Variants in NT5C2 observed in about 807,000 individuals in gnomAD.
NT5C2 encodes the protein cytosolic purine 5'-nucleotidase.
A neutral mutation model predicts 76.1 loss-of-function variants in NT5C2; 58 were observed. The observed-to-expected ratio is 0.76, with a 90% CI of 0.62 to 0.95. The LOEUF (loss-of-function observed/expected upper bound fraction) is 0.95, where lower values mean the gene tolerates loss of function less well. Ranked by LOEUF, NT5C2 falls within the 40% of genes least tolerant of loss-of-function variation. The pLI is 0.00. For missense variants in NT5C2, 478 were observed against 690.3 expected (o/e 0.69, Z 3.45); for synonymous variants, 229 against 237.4 (o/e 0.96, Z 0.32).
chr10:103,187,052 A>C (rs1289835020), intron 1 of NT5C2, among the ~76,000 whole-genome samples: 1 of 151,928 alleles, frequency 6.6e-6, no homozygotes, highest in Non-Finnish European at 1.5e-5. Flanking sequence ...GGAGTTCAAG[A>C]CCAGCCTGGC....
At chr10:103,193,118 G>C (rs2092776783) in intron 1 of NT5C2, 118 bp downstream of exon 1, 1 of 151,886 alleles carries the variant, frequency 6.6e-6, no homozygotes, top group African/African-American at 2.4e-5. Context: ...TGGGGGCCGG[G>C]GGCGGGGGCA....
At chr10:103,138,292 G>C (rs537468372) in intron 4 of NT5C2, among the ~76,000 whole-genome samples, 1 of 152,268 alleles carries the variant, frequency 6.6e-6, no homozygotes, top group South Asian at 2.1e-4. Flanking sequence ...TTTTTGTTAA[G>C]TTCTGGGATA....
intron 11 of NT5C2, 122 bp from the exon 12 acceptor site, chr10:103,096,102 T>G (rs2068089240): frequency 1.5e-6 from 1 of 663,396 alleles, no homozygotes; most frequent in African/African-American, 1.9e-5. Context: ...CACATTCTTG[T>G]TTCCTCTAAA....
chr10:103,186,496 G>C (rs771495020), intron 1 of NT5C2, among the ~76,000 whole-genome samples: 7 of 152,136 alleles, frequency 4.6e-5, no homozygotes, highest in Non-Finnish European at 8.8e-5. Context: ...TAAATATAAG[G>C]ACAACTATAG....
intron 10 of NT5C2, chr10:103,098,624 T>A (rs1791426567): frequency 3.6e-6 from 1 of 280,646 alleles, no homozygotes; most frequent in Middle Eastern, 1.1e-3. Context: ...ATGGTGATGA[T>A]GTGCATACAG....
intron 3 of NT5C2, among the ~76,000 whole-genome samples, chr10:103,146,907 C>A (rs191685763): frequency 9.2e-5 from 14 of 152,324 alleles, no homozygotes; most frequent in Non-Finnish European, 1.8e-4. Flanking sequence ...CAGGCCAATG[C>A]TGGATTATGA....
chr10:103,189,541 G>A (rs1039360185), intron 1 of NT5C2, among the ~76,000 whole-genome samples: 1 of 150,750 alleles, frequency 6.6e-6, no homozygotes, highest in Non-Finnish European at 1.5e-5. Context: ...AGGAAGCGGA[G>A]GCTGCAGTGA....
At chr10:103,166,380 TAC>T (rs2086390161) in intron 3 of NT5C2, among the ~76,000 whole-genome samples, 1 of 152,082 alleles carries the variant, frequency 6.6e-6, no homozygotes, top group Admixed American at 6.6e-5. Context: ...AATGGAACCA[TAC>T]AGAGTGTAAC....
chr10:103,151,912 G>C (rs1337846527), intron 3 of NT5C2, among the ~76,000 whole-genome samples: 1 of 152,020 alleles, frequency 6.6e-6, no homozygotes, highest in African/African-American at 2.4e-5. Context: ...CATTGCTCCA[G>C]AGGCTCCTAG....
intron 3 of NT5C2, chr10:103,153,262 G>GA (rs757294005): frequency 3.1e-5 from 39 of 1,272,160 alleles, no homozygotes; most frequent in Non-Finnish European, 3.8e-5. Flanking sequence ...TGAGAAAAAT[G>GA]AAAGAGAAAG....
chr10:103,128,106 C>A (rs1044219434), intron 4 of NT5C2, among the ~76,000 whole-genome samples: 146 of 144,688 alleles, frequency 1.0e-3, no homozygotes, highest in Non-Finnish European at 1.7e-3. Context: ...CCTCTCCCCA[C>A]GGTCTCCCTC....
At chr10:103,123,291 A>AT (rs374861904) in intron 4 of NT5C2, among the ~76,000 whole-genome samples, 24 of 150,082 alleles carry the variant, frequency 1.6e-4, no homozygotes, top group South Asian at 4.2e-4. Flanking sequence ...CACTGCTAAT[A>AT]TTTTTTTTTT....
intron 11 of NT5C2, among the ~76,000 whole-genome samples, chr10:103,096,860 A>AG (rs1368555918): frequency 6.6e-6 from 1 of 150,508 alleles, no homozygotes; most frequent in African/African-American, 2.4e-5. Flanking sequence ...AAAAAAAAAA[A>AG]AAAAAAAAAA....
intron 1 of NT5C2, among the ~76,000 whole-genome samples, chr10:103,190,856 G>A (rs1007576971): frequency 6.6e-5 from 10 of 152,118 alleles, no homozygotes; most frequent in South Asian, 2.1e-4. Context: ...GTTGACTACC[G>A]GGGCACATTA....
intron 1 of NT5C2, among the ~76,000 whole-genome samples, chr10:103,185,649 CAAAAAAAAAAAAAAGGAA>C (rs1198921300): frequency 1.5e-4 from 11 of 71,162 alleles, no homozygotes; most frequent in African/African-American, 5.8e-4. Context: ...ACCCTGTCTC[CAAAAAAAAAAAAAAGGAA>C]AAAAAAAAAA....
chr10:103,098,793 T>C lies in NT5C2; in HGVS notation c.687+138A>G, dbSNP rs562338928. On this transcript the variant is annotated intron_variant, in intron 10 of 18. Coordinates refer to ENST00000404739, the MANE Select transcript of NT5C2 (RefSeq NM_001351169.2). Reference sequence around the variant, plus strand: ...GACCTATGCTCTAGCTGAATATTCTTGGTGATTATACCCGACACATACTAT... The same window carrying C: ...GACCTATGCTCTAGCTGAATATTCTCGGTGATTATACCCGACACATACTAT... 4.7e-6 allele frequency: 3 copies of C among 638,164 alleles called. No homozygotes were observed. In the Admixed American group the frequency reaches 9.0e-5, roughly 19 times the overall value. The allele number at this position is 638,164 out of a possible 1,614,324, so 39.5% of individuals were successfully genotyped here.
chr10:103,186,404 T>C (rs1218825522), intron 1 of NT5C2, among the ~76,000 whole-genome samples: 1 of 152,230 alleles, frequency 6.6e-6, no homozygotes, highest in Non-Finnish European at 1.5e-5. Flanking sequence ...GCTTCTACTT[T>C]TGGAGTCAAA....
In NT5C2 at chr10:103,174,999, T is replaced by C. The variant is rs1269942512; in HGVS notation, c.-24-17A>G. 6 of 1,379,426 alleles carry C rather than the reference T, an allele frequency of 4.3e-6. No individual in the cohort carries two copies. The highest frequency in any genetic ancestry group is 6.2e-6 in the Non-Finnish European group (6 of 969,776). The allele number at this position is 1,379,426 out of a possible 1,614,324, so 85.4% of individuals were successfully genotyped here. ...TTTTGTATTCTAGAAAAGAAAATCA[T>C]TAATTTAGTAACTTAATATTGGCAT... On this transcript the variant is annotated splice_polypyrimidine_tract_variant and intron_variant, in intron 2 of 18. Transcript: ENST00000404739.
intron 4 of NT5C2, among the ~76,000 whole-genome samples, chr10:103,130,227 T>A (rs1462715421): frequency 6.6e-6 from 1 of 151,664 alleles, no homozygotes; most frequent in East Asian, 1.9e-4. Flanking sequence ...TTCCTCTGCC[T>A]TGGGATCCTG....
Sources: gnomAD v4.1 joint callset for allele counts (sites outside exome capture counted in the v4.1 genomes callset) on GRCh38, gnomAD v4.1.1 for gene constraint, MANE v1.5 for transcripts, NCBI Gene and HGNC (gene_info 2026-07-23, HGNC 2026-07-21) for gene names.